Variants in SLC20A2 observed in about 807,000 individuals in gnomAD.
The protein encoded by SLC20A2 is solute carrier family 20 member 2.
Under a neutral mutation model 61.0 loss-of-function variants are expected in SLC20A2, and 30 were observed. The ratio of observed to expected loss-of-function variants is 0.49; its 90% CI spans 0.37 to 0.67. The LOEUF (loss-of-function observed/expected upper bound fraction) is 0.67, where lower values mean the gene tolerates loss of function less well. Ranked by LOEUF, SLC20A2 falls within the 30% of genes least tolerant of loss-of-function variation. The pLI, the probability that SLC20A2 is intolerant of heterozygous loss-of-function variation, is 0.00. For synonymous variants in SLC20A2, 351 were observed against 353.3 expected, an observed-to-expected ratio of 0.99 and a Z score of 0.07; for missense variants, 626 against 866.4, an observed-to-expected ratio of 0.72 and a Z score of 3.48.
At chr8:42,443,772 C>T (rs1157718384) in intron 6 of SLC20A2, among the ~76,000 whole-genome samples, 1 of 152,088 alleles carries the variant, frequency 6.6e-6, no homozygotes, top group Non-Finnish European at 1.5e-5. Flanking sequence ...CCATCCCAGG[C>T]GATCAGTGCT....
chr8:42,494,006 C>T (rs1378816763), intron 1 of SLC20A2, among the ~76,000 whole-genome samples: 1 of 152,010 alleles, frequency 6.6e-6, no homozygotes. Context: ...AGCCAGGTGT[C>T]GTGGTGTGTG....
Position 42,523,959 on chromosome 8 carries a change from A to G in SLC20A2, c.-265+17862T>C, listed in dbSNP as rs1188880108. On this transcript the variant is annotated intron_variant, in intron 1 of 10. Transcript: ENST00000342228. ...TTAATTAAGGTAAAAAAGCAACAAT[A>G]TATAGTTAGAGATCGGCCATACAGT... is the stretch of plus-strand genomic sequence containing the variant. Among the ~76,000 whole-genome samples the G allele has an allele frequency of 3.3e-5, 5 of 152,322 alleles. No individual in the cohort carries two copies. In the East Asian group the frequency reaches 7.7e-4, roughly 23 times the overall value.
intron 2 of SLC20A2, among the ~76,000 whole-genome samples, chr8:42,467,929 T>A (rs879443514): frequency 6.6e-6 from 1 of 152,028 alleles, no homozygotes; most frequent in Non-Finnish European, 1.5e-5. Flanking sequence ...TTCTTTTTTT[T>A]TTTTTTAGAC....
chr8:42,440,238 C>T (rs1044495300), intron 6 of SLC20A2, among the ~76,000 whole-genome samples: 2 of 152,094 alleles, frequency 1.3e-5, no homozygotes, highest in Non-Finnish European at 2.9e-5. Flanking sequence ...GGGTCAGATC[C>T]GAATACCACA....
chr8:42,444,590 G>A (rs1805052303), intron 6 of SLC20A2, 56 bp downstream of exon 6: 7 of 1,292,150 alleles, frequency 5.4e-6, no homozygotes, highest in Middle Eastern at 1.8e-4. Context: ...TGTTACATGT[G>A]AGGTTTTGGG....
Position 42,461,094 on chromosome 8 carries a change from G to A in SLC20A2, c.517-1102C>T, listed in dbSNP as rs566648532. 2.0e-5 allele frequency among the ~76,000 whole-genome samples: 3 copies of A among 152,266 alleles called. No homozygotes were observed. The South Asian group carries it at 6.2e-4, about 32-fold the overall frequency. On this transcript the variant is annotated intron_variant, in intron 4 of 10. Transcript: ENST00000520262. ...GCCAAGAGCACTTGTCAAGAGGCTC[G>A]AGTTGAATGCAGTGAGGCGTGATGC...
intron 2 of SLC20A2, among the ~76,000 whole-genome samples, chr8:42,471,667 C>G (rs75377577): frequency 0.016 from 2,415 of 152,136 alleles, 71 homozygotes; most frequent in African/African-American, 0.055. Flanking sequence ...TTTTGACATC[C>G]AAGTTTTCAA....
At chr8:42,430,372 T>A (rs993498667) in intron 8 of SLC20A2, 123 bp from the exon 9 acceptor site, 5 of 772,186 alleles carry the variant, frequency 6.5e-6, no homozygotes, top group Non-Finnish European at 9.6e-6. Flanking sequence ...TTTTTCTTTC[T>A]TTTTTTTTGA....
chr8:42,538,526 T>C (rs1172690705), intron 1 of SLC20A2, among the ~76,000 whole-genome samples: 1 of 152,168 alleles, frequency 6.6e-6, no homozygotes, highest in African/African-American at 2.4e-5. Flanking sequence ...GCAGGTGGGA[T>C]CTTCACTAGT....
At chr8:42,424,641 G>C (rs1803274819) in intron 10 of SLC20A2, among the ~76,000 whole-genome samples, 1 of 152,214 alleles carries the variant, frequency 6.6e-6, no homozygotes, top group African/African-American at 2.4e-5. Context: ...AATAAAATGT[G>C]ATAACAGGAC....
chr8:42,530,726 TTTTG>T (rs1812265510), intron 1 of SLC20A2, among the ~76,000 whole-genome samples: 1 of 152,026 alleles, frequency 6.6e-6, no homozygotes, highest in Non-Finnish European at 1.5e-5. Flanking sequence ...GTATTTTGGG[TTTTG>T]TTTTTGAGAC....
chr8:42,419,718 G>A, intron 10 of SLC20A2: 1 of 965,386 alleles, frequency 1.0e-6, no homozygotes, highest in Non-Finnish European at 1.2e-6. Context: ...TTAATGTAGT[G>A]TCATCCATAA....
At chr8:42,531,367 A>T (rs1812308803) in intron 1 of SLC20A2, among the ~76,000 whole-genome samples, 1 of 152,196 alleles carries the variant, frequency 6.6e-6, no homozygotes, top group Non-Finnish European at 1.5e-5. Flanking sequence ...GCTCAGCAGA[A>T]AGAATCTTCA....
At chr8:42,528,872 G>A (rs1016767132) in intron 1 of SLC20A2, among the ~76,000 whole-genome samples, 6 of 151,932 alleles carry the variant, frequency 3.9e-5, no homozygotes, top group African/African-American at 1.5e-4. Flanking sequence ...TCTCCATGTT[G>A]GTCAGGCTGG....
At chr8:42,487,466 C>CG in intron 1 of SLC20A2, among the ~76,000 whole-genome samples, 1 of 152,302 alleles carries the variant, frequency 6.6e-6, no homozygotes, top group African/African-American at 2.4e-5. Context: ...CGTGAGCCAC[C>CG]GTGCCCGGCC....
intron 1 of SLC20A2, among the ~76,000 whole-genome samples, chr8:42,475,459 G>A (rs1041032992): frequency 2.6e-5 from 4 of 152,134 alleles, no homozygotes; most frequent in Admixed American, 2.6e-4. Flanking sequence ...ACCCAGGCTG[G>A]AGTGCAGTGG....
rs1813204071 is a variant in SLC20A2, at chr8:42,541,763, C to T, written c.-265+58G>A. 5 of 149,862 alleles carry T rather than the reference C, an allele frequency of 3.3e-5. No individual in the cohort carries two copies. In the South Asian group the frequency reaches 1.0e-3, roughly 31 times the overall value. 9.3% of individuals were successfully genotyped at this position (149,862 alleles called of 1,614,324 possible). A position where few individuals can be genotyped will look rare whatever the true frequency, so the allele number is the denominator to read the frequency against. ...CCCCGGCGGGGCCGCGTCACCCGGC[C>T]CCGCCCCGCGCCGCCCGCCCCGCCC... On this transcript the variant is annotated intron_variant, in intron 1 of 10. Transcript: ENST00000342228.
chr8:42,490,775 T>C (rs1266866955), intron 1 of SLC20A2, among the ~76,000 whole-genome samples: 1 of 152,160 alleles, frequency 6.6e-6, no homozygotes, highest in Non-Finnish European at 1.5e-5. Context: ...CACGCTGCCT[T>C]CCAAGTCCCT....
At position 42,472,672 on chromosome 8, in the gene SLC20A2, CAAAAG is replaced by C; in HGVS notation, c.-264-23_-264-19del. On this transcript the variant is annotated intron_variant, in intron 1 of 10. Transcript: ENST00000520262. The surrounding 1 kb of genome is among the most constrained non-coding windows in gnomAD (Gnocchi z 4.1). ...GTCTCCTCCTGTAGCAGAAAGGAAA[CAAAAG>C]AAATCAATTATACTCAGCAACCTGT... is the stretch of plus-strand genomic sequence containing the variant. 1 of 361,202 alleles carries C rather than the reference CAAAAG, an allele frequency of 2.8e-6. No individual in the cohort carries two copies. The highest frequency in any genetic ancestry group is 3.5e-5 in the South Asian group (1 of 28,574). The allele number at this position is 361,202 out of a possible 1,614,324, so 22.4% of individuals were successfully genotyped here. A position where few individuals can be genotyped will look rare whatever the true frequency, so the allele number is the denominator to read the frequency against.
Sources: allele counts gnomAD v4.1 joint callset (sites outside exome capture counted in the v4.1 genomes callset), GRCh38; gene constraint gnomAD v4.1.1; non-coding constraint Gnocchi (gnomAD v3.1); transcripts MANE v1.5; gene names NCBI Gene and HGNC (gene_info 2026-07-23, HGNC 2026-07-21).